Variants in DDX4 observed in about 807,000 individuals in gnomAD.
DDX4 encodes DEAD-box helicase 4.
In DDX4, 25 loss-of-function variants were observed where a neutral mutation model predicts 100.0. The observed-to-expected ratio is 0.25, with a 90% CI of 0.18 to 0.35. The LOEUF (loss-of-function observed/expected upper bound fraction) is 0.35. Among genes scored for constraint, DDX4 ranks in the 10% least tolerant of loss-of-function variants. DDX4 has a pLI of 1.00. For synonymous variants in DDX4, 259 were observed against 275.7 expected, an observed-to-expected ratio of 0.94 and a Z score of 0.60; for missense variants, 635 against 882.4, an observed-to-expected ratio of 0.72 and a Z score of 3.55.
Position 55,769,098 on chromosome 5 carries a change from G to A in DDX4, c.394+1158G>A, listed in dbSNP as rs149768551. On this transcript the variant is annotated intron_variant, in intron 7 of 21. Transcript: ENST00000505374. The stretch of plus-strand genomic sequence containing the variant: ...GTTTACTCTGCTGATAGTTTCTTTC[G>A]TTGTGCAGAAGCTTGTTCATTTAAT... Among the ~76,000 whole-genome samples, 423 of 152,182 alleles carry A rather than the reference G, an allele frequency of 2.8e-3. 1 individual carries two copies. Among genetic ancestry groups the A allele is most frequent in the Middle Eastern group, 0.01 (3 of 294 alleles).
intron 18 of DDX4, among the ~76,000 whole-genome samples, chr5:55,813,466 T>A (rs556309159): frequency 6.6e-6 from 1 of 152,306 alleles, no homozygotes; most frequent in East Asian, 1.9e-4. Flanking sequence ...GCTAATTTTT[T>A]AAATCCCTCA....
intron 6 of DDX4, chr5:55,767,072 A>G (rs1740970327): frequency 7.2e-7 from 1 of 1,386,322 alleles, no homozygotes; most frequent in Non-Finnish European, 9.5e-7. Context: ...GGATATCCCC[A>G]AATTATTTCA....
At position 55,798,124 on chromosome 5, in the gene DDX4, C is replaced by CT. The variant is rs541375158; in HGVS notation, c.1470-294dup. On this transcript the variant is annotated intron_variant, in intron 17 of 21. Coordinates refer to ENST00000505374, the MANE Select transcript of DDX4 (RefSeq NM_024415.3). ...TGCAGTTTATTTCTTTTAGTTCATG[C>CT]TTTTTTTTAAGTGTTATACACATAT... 8.6e-3 allele frequency among the ~76,000 whole-genome samples: 1,305 copies of CT among 151,874 alleles called. 7 individuals carry two copies. The highest frequency in any genetic ancestry group is 0.014 in the Non-Finnish European group (953 of 67,908).
intron 3 of DDX4, among the ~76,000 whole-genome samples, chr5:55,754,671 A>G (rs1190925482): frequency 2.6e-5 from 4 of 151,430 alleles, no homozygotes; most frequent in Non-Finnish European, 4.4e-5. Flanking sequence ...TTGGTATCAG[A>G]ATGATGCTGG....
At chr5:55,778,550 A>C (rs1741709536) in intron 7 of DDX4, among the ~76,000 whole-genome samples, 1 of 152,360 alleles carries the variant, frequency 6.6e-6, no homozygotes, top group East Asian at 1.9e-4. Flanking sequence ...AGTGTTCAGC[A>C]GTAAAAGAAA....
At chr5:55,760,749 T>G (rs1279381741) in intron 4 of DDX4, among the ~76,000 whole-genome samples, 1 of 152,220 alleles carries the variant, frequency 6.6e-6, no homozygotes, top group Admixed American at 6.6e-5. Context: ...AATTTTACTT[T>G]TAGAACAACC....
chr5:55,746,360 T>C (rs888880906), intron 3 of DDX4, 139 bp downstream of exon 3: 3 of 602,176 alleles, frequency 5.0e-6, no homozygotes, highest in Admixed American at 6.9e-5. Flanking sequence ...GATTTGGATA[T>C]TGTGGAATGG....
At chr5:55,794,281 G>A (rs112590949) in intron 17 of DDX4, among the ~76,000 whole-genome samples, 9,279 of 150,548 alleles carry the variant, frequency 0.062, 363 homozygotes, top group African/African-American at 0.11. Flanking sequence ...TCAATCTCCC[G>A]GGTTCAAGCG....
At chr5:55,789,483 T>C (rs1429738118) in intron 15 of DDX4, among the ~76,000 whole-genome samples, 4 of 152,236 alleles carry the variant, frequency 2.6e-5, no homozygotes, top group African/African-American at 9.6e-5. Context: ...TAAATGGCAC[T>C]GGCTTCCCCT....
chr5:55,816,432 TTC>T, intron 21 of DDX4, 29 bp from the exon 22 acceptor site: 2 of 1,543,086 alleles, frequency 1.3e-6, no homozygotes, highest in East Asian at 2.4e-5. Context: ...GTTTGTTTGT[TTC>T]TTTTTTTTTT....
At chr5:55,746,248 C>T in intron 3 of DDX4, 27 bp downstream of exon 3, 2 of 1,588,042 alleles carry the variant, frequency 1.3e-6, no homozygotes, top group Non-Finnish European at 1.7e-6. Context: ...AAAGGTAAAA[C>T]CCTTTTTAGT....
intron 14 of DDX4, 78 bp from the exon 15 acceptor site, chr5:55,787,768 A>G (rs1742331703): frequency 6.7e-7 from 1 of 1,485,566 alleles, no homozygotes; most frequent in Non-Finnish European, 9.0e-7. Context: ...TAAAGGCTAT[A>G]AGGACATGAG....
intron 3 of DDX4, among the ~76,000 whole-genome samples, chr5:55,756,883 A>G (rs1456391734): frequency 1.3e-5 from 2 of 152,078 alleles, no homozygotes; most frequent in African/African-American, 2.4e-5. Flanking sequence ...ATTGCTATGT[A>G]TAATATGTAT....
At chr5:55,751,488 G>A (rs142799722) in intron 3 of DDX4, among the ~76,000 whole-genome samples, 2,726 of 152,286 alleles carry the variant, frequency 0.018, 37 homozygotes, top group Non-Finnish European at 0.03. Context: ...TCCTGCCTTG[G>A]CCTCCCAAAG....
intron 17 of DDX4, among the ~76,000 whole-genome samples, chr5:55,796,225 C>CTG (rs1742927252): frequency 6.6e-6 from 1 of 152,236 alleles, no homozygotes; most frequent in African/African-American, 2.4e-5. Flanking sequence ...AGTCTACCAA[C>CTG]TGAAATGTCA....
chr5:55,784,385 A>T (rs1310178870), intron 10 of DDX4, among the ~76,000 whole-genome samples: 12 of 152,036 alleles, frequency 7.9e-5, no homozygotes, highest in Admixed American at 3.3e-4. Context: ...CCCAGATTGG[A>T]TGAGGGTCGA....
intron 13 of DDX4, 69 bp downstream of exon 13, chr5:55,785,940 TG>T: frequency 3.6e-6 from 4 of 1,105,272 alleles, no homozygotes; most frequent in South Asian, 1.4e-5. Flanking sequence ...TTATGTAGTT[TG>T]TAAAGCTGAT....
At position 55,810,352 on chromosome 5, in the gene DDX4, G is replaced by A. The variant is rs536765754; in HGVS notation, c.1616-3321G>A. On this transcript the variant is annotated intron_variant, in intron 18 of 21. Coordinates refer to ENST00000505374, the MANE Select transcript of DDX4 (RefSeq NM_024415.3). ...ACTCCTGACCTCAGGTGATCCGCCC[G>A]CCTTGGCCTCCCAAAGTGCTGGAAT... Among the ~76,000 whole-genome samples the A allele has an allele frequency of 9.3e-4, 141 of 152,206 alleles. No homozygotes were observed. The Middle Eastern group carries it at 0.01, about 11-fold the overall frequency.
intron 21 of DDX4, 41 bp from the exon 22 acceptor site, chr5:55,816,422 G>A (rs770969329): frequency 2.0e-6 from 3 of 1,533,778 alleles, no homozygotes; most frequent in East Asian, 4.9e-5. Flanking sequence ...AAAATTAAAT[G>A]TTTGTTTGTT....
Sources: allele counts gnomAD v4.1 joint callset (sites outside exome capture counted in the v4.1 genomes callset), GRCh38; gene constraint gnomAD v4.1.1; transcripts MANE v1.5; gene names NCBI Gene and HGNC (gene_info 2026-07-23, HGNC 2026-07-21).